Variants in PRIM2 observed in about 807,000 individuals in gnomAD.
The protein encoded by PRIM2 is DNA primase large subunit.
In PRIM2, 39 loss-of-function variants were observed where a neutral mutation model predicts 67.3. The ratio of observed to expected loss-of-function variants is 0.58; its 90% CI spans 0.45 to 0.76. PRIM2 has a LOEUF of 0.76. Ranked by LOEUF, PRIM2 falls within the 30% of genes least tolerant of loss-of-function variation. The pLI is 0.00. For synonymous variants in PRIM2, 143 were observed against 198.7 expected (o/e 0.72, Z 2.36); for missense variants, 398 against 598.7 (o/e 0.66, Z 3.50).
At chr6:57,264,679 C>T in the PRIM2 span, among the ~76,000 whole-genome samples, 26 of 151,078 alleles carry the variant, frequency 1.7e-4, 1 homozygote, top group African/African-American at 6.3e-4. Flanking sequence ...TCACGGCAAC[C>T]TCCCCCTCCT....
At chr6:57,239,653 G>A in the PRIM2 span, among the ~76,000 whole-genome samples, 1 of 152,138 alleles carries the variant, frequency 6.6e-6, no homozygotes, top group African/African-American at 2.4e-5. Flanking sequence ...CAGGTTGGGG[G>A]AGGATCACCT....
At chr6:57,350,779 C>T (rs6907385) in intron 5 of PRIM2, among the ~76,000 whole-genome samples, 1 of 152,072 alleles carries the variant, frequency 6.6e-6, no homozygotes, top group Non-Finnish European at 1.5e-5. Flanking sequence ...TTTCTAACCA[C>T]AGTATAACCT....
chr6:57,387,329 T>C (rs1770186231), intron 7 of PRIM2, among the ~76,000 whole-genome samples: 1 of 152,172 alleles, frequency 6.6e-6, no homozygotes, highest in African/African-American at 2.4e-5. Context: ...AAACTTGCTT[T>C]TGTTCACAGT....
chr6:57,312,375 G>A (rs1767406909), upstream of PRIM2, among the ~76,000 whole-genome samples: 1 of 152,032 alleles, frequency 6.6e-6, no homozygotes, highest in Admixed American at 6.6e-5. Flanking sequence ...GGTGGCATGT[G>A]CCTGCAGTCC....
At chr6:57,407,536 G>T (rs1266424605) in intron 7 of PRIM2, among the ~76,000 whole-genome samples, 1 of 152,000 alleles carries the variant, frequency 6.6e-6, no homozygotes, top group East Asian at 1.9e-4. Flanking sequence ...TACTTTATAG[G>T]CTGAGCAGCC....
chr6:57,446,391 T>C (rs376455909), intron 7 of PRIM2, among the ~76,000 whole-genome samples: 1 of 143,536 alleles, frequency 7.0e-6, no homozygotes, highest in Non-Finnish European at 1.5e-5. Context: ...ACTGATAGCA[T>C]GGGCATAGGC....
At chr6:57,467,523 C>A (rs1773233709) in intron 7 of PRIM2, among the ~76,000 whole-genome samples, 1 of 152,298 alleles carries the variant, frequency 6.6e-6, no homozygotes, top group African/African-American at 2.4e-5. Flanking sequence ...GTTTTGGTTA[C>A]TGTAGCCGTA....
intron 5 of PRIM2, among the ~76,000 whole-genome samples, chr6:57,365,949 CA>C (rs5876544): frequency 3.2e-3 from 202 of 62,606 alleles, no homozygotes; most frequent in East Asian, 0.017. Flanking sequence ...GACCATATCT[CA>C]AAAAAAAAAA....
chr6:57,309,530 C>T, the PRIM2 span, among the ~76,000 whole-genome samples: 1 of 152,086 alleles, frequency 6.6e-6, no homozygotes, highest in African/African-American at 2.4e-5. Context: ...TTTCTTAATC[C>T]AGTCTATCAC....
intron 7 of PRIM2, among the ~76,000 whole-genome samples, chr6:57,384,089 C>T (rs202054466): frequency 6.6e-6 from 1 of 152,160 alleles, no homozygotes; most frequent in Non-Finnish European, 1.5e-5. Context: ...TGTCTTTACC[C>T]TTATGTGTAT....
chr6:57,494,727 C>T (rs1773968224), intron 7 of PRIM2, among the ~76,000 whole-genome samples: 1 of 152,102 alleles, frequency 6.6e-6, no homozygotes, highest in Non-Finnish European at 1.5e-5. Flanking sequence ...TGGAACAACC[C>T]TGATGTGTTT....
chr6:57,449,513 T>C (rs1772470462), intron 7 of PRIM2, among the ~76,000 whole-genome samples: 1 of 152,198 alleles, frequency 6.6e-6, no homozygotes, highest in African/African-American at 2.4e-5. Context: ...ATGAGATCAA[T>C]CAACACCTTT....
intron 10 of PRIM2, among the ~76,000 whole-genome samples, chr6:57,588,640 G>A (rs1776235838): frequency 6.6e-6 from 1 of 151,884 alleles, no homozygotes; most frequent in Non-Finnish European, 1.5e-5. Flanking sequence ...GGAGCTTGCT[G>A]TGAGTTAAAA....
At chr6:57,320,666 T>A in intron 3 of PRIM2, 106 bp downstream of exon 3, 1 of 650,480 alleles carries the variant, frequency 1.5e-6, no homozygotes, top group Non-Finnish European at 2.6e-6. Flanking sequence ...TTATAAAGAC[T>A]AATGTATCAT....
At chr6:57,372,604 TCA>T (rs945143893) in intron 5 of PRIM2, among the ~76,000 whole-genome samples, 1 of 152,168 alleles carries the variant, frequency 6.6e-6, no homozygotes, top group Admixed American at 6.5e-5. Flanking sequence ...CTCCCTCCTC[TCA>T]CCTCCCACCC....
chr6:57,303,920 C>T, the PRIM2 span, among the ~76,000 whole-genome samples: 1 of 152,194 alleles, frequency 6.6e-6, no homozygotes, highest in Non-Finnish European at 1.5e-5. Flanking sequence ...CAAGCCTGAG[C>T]CTTTGCACCC....
At chr6:57,632,719 T>C (rs1777057244) in intron 13 of PRIM2, among the ~76,000 whole-genome samples, 1 of 152,256 alleles carries the variant, frequency 6.6e-6, no homozygotes, top group Non-Finnish European at 1.5e-5. Context: ...CTGGAATCTT[T>C]GCCACAGCTG....
chr6:57,470,858 T>C (rs1773321797), intron 7 of PRIM2, among the ~76,000 whole-genome samples: 1 of 152,172 alleles, frequency 6.6e-6, no homozygotes. Flanking sequence ...GGCACTTTAG[T>C]TGTCCCTCCC....
At chr6:57,519,576 A>G (rs1465222585) in intron 8 of PRIM2, among the ~76,000 whole-genome samples, 1 of 152,194 alleles carries the variant, frequency 6.6e-6, no homozygotes, top group Admixed American at 6.5e-5. Context: ...TCTCTTATTC[A>G]CTGAACAATT....
Sources: gnomAD v4.1 joint callset for allele counts (sites outside exome capture counted in the v4.1 genomes callset) on GRCh38, gnomAD v4.1.1 for gene constraint, MANE v1.5 for transcripts, NCBI Gene and HGNC (gene_info 2026-07-23, HGNC 2026-07-21) for gene names.